The following CDC27 variants were observed in gnomAD, a reference collection of about 807,000 sequenced individuals.
CDC27 encodes cell division cycle 27.
CDC27 carries 27 observed loss-of-function variants against 109.7 expected under a neutral mutation model. The observed-to-expected ratio is 0.25, with a 90% confidence interval of 0.18 to 0.34. The LOEUF (loss-of-function observed/expected upper bound fraction) is 0.34, where lower values mean the gene tolerates loss of function less well. Among genes scored for constraint, CDC27 ranks in the 10% least tolerant of loss-of-function variants. The pLI is 1.00. For synonymous variants in CDC27, 266 were observed against 333.9 expected (o/e 0.80, Z 2.22); for missense variants, 579 against 960.2 (o/e 0.60, Z 5.25).
At chr17:47,132,878 A>T (rs2062395809) in intron 14 of CDC27, among the ~76,000 whole-genome samples, 1 of 140,560 alleles carries the variant, frequency 7.1e-6, no homozygotes, top group Non-Finnish European at 1.5e-5. Flanking sequence ...CAAGTGATCA[A>T]TCCTCCCACC....
At chr17:47,140,431 A>T (rs550684970) in intron 12 of CDC27, among the ~76,000 whole-genome samples, 1 of 152,184 alleles carries the variant, frequency 6.6e-6, no homozygotes, top group Non-Finnish European at 1.5e-5. Flanking sequence ...TCATTCAGGC[A>T]TGGTAACAAG....
intron 7 of CDC27, 69 bp from the exon 8 acceptor site, chr17:47,154,855 A>T: frequency 1.3e-6 from 1 of 740,836 alleles, no homozygotes; most frequent in South Asian, 1.6e-5. Flanking sequence ...GTATACTTAA[A>T]TTAGAAGGTC....
At chr17:47,156,086 AT>A (rs1230358354) in intron 7 of CDC27, among the ~76,000 whole-genome samples, 2 of 152,120 alleles carry the variant, frequency 1.3e-5, no homozygotes, top group Non-Finnish European at 2.9e-5. Context: ...TAAAGACAGT[AT>A]TTTTTAATGT....
Position 47,162,165 on chromosome 17 carries a change from CCTT to C in CDC27, c.378-3865_378-3863del, listed in dbSNP as rs1310920683. The C allele has an allele frequency of 1.1e-4, 16 of 152,326 alleles. No homozygotes were observed. The East Asian group carries it at 1.7e-3, about 17-fold the overall frequency. The allele number at this position is 152,326 out of a possible 1,614,324, so 9.4% of individuals were successfully genotyped here. ...ATCCTACTTAGAGATAGCACTGACTCCTTCTTCTTCTCCTCTGACCTTCACAGC... is the reference window on the plus strand; with the variant it reads ...ATCCTACTTAGAGATAGCACTGACTCCTTCTTCTCCTCTGACCTTCACAGC... On this transcript the variant is annotated intron_variant, in intron 4 of 18. Transcript: ENST00000066544.
chr17:47,160,767 T>C (rs1350361516), intron 4 of CDC27, among the ~76,000 whole-genome samples: 2 of 152,068 alleles, frequency 1.3e-5, no homozygotes, highest in African/African-American at 4.8e-5. Flanking sequence ...ACATCATCTG[T>C]TTATGTGCGG....
chr17:47,133,216 A>G (rs1430622291), intron 14 of CDC27, among the ~76,000 whole-genome samples: 1 of 147,580 alleles, frequency 6.8e-6, no homozygotes, highest in Non-Finnish European at 1.5e-5. Flanking sequence ...TCGGCTCACC[A>G]CAACCTCCAC....
rs753067072 is a variant in CDC27 at position 47,120,943 on chromosome 17, C to A, written c.2467G>T (p.Glu823Ter). The A allele has an allele frequency of 6.2e-7, 1 of 1,611,092 alleles. No homozygotes were observed. The highest frequency in any genetic ancestry group is 1.7e-5 in the Admixed American group (1 of 59,956). ...DTQLHAAESD[E>*]F Reference sequence around the variant, plus strand: ...AGTCTGATTTCCAGAAGTTAAAATTCATCACTTTCAGCTGCATGAAGTTGT... The same window carrying A: ...AGTCTGATTTCCAGAAGTTAAAATTAATCACTTTCAGCTGCATGAAGTTGT... The change falls in exon 19 of 19, where the codon GAA becomes TAA. Residue 823 changes from glutamate (E) to a stop codon, truncating the protein, a stop_gained. Transcript: ENST00000066544. LOFTEE classifies it high-confidence loss of function.
Position 47,119,796 on chromosome 17 carries a change from TC to T in CDC27, c.*1138del, listed in dbSNP as rs2061945443. ...CTATCTCCTTCATAAGAATGTTTTT[TC>T]CCCCAAGCTAAAAATTTCCAACATC... On this transcript the variant is annotated 3_prime_UTR_variant, in exon 19 of 19. Coordinates refer to ENST00000066544, the MANE Select transcript of CDC27 (RefSeq NM_001256.6). The T allele has an allele frequency of 6.6e-6, 1 of 152,156 alleles. No homozygotes were observed. The highest frequency in any genetic ancestry group is 1.5e-5 in the Non-Finnish European group (1 of 68,014). 9.4% of individuals were successfully genotyped at this position (152,156 alleles called of 1,614,324 possible).
At chr17:47,152,058 T>C (rs1202282463) in intron 8 of CDC27, 140 bp from the exon 9 acceptor site, 2 of 555,918 alleles carry the variant, frequency 3.6e-6, no homozygotes, top group African/African-American at 3.9e-5. Context: ...ACTATTTATA[T>C]CATATTGTTA....
intron 1 of CDC27, among the ~76,000 whole-genome samples, chr17:47,183,606 T>C (rs980274650): frequency 3.9e-5 from 6 of 152,174 alleles, no homozygotes; most frequent in African/African-American, 1.4e-4. Context: ...GGCACCATTA[T>C]TATACACTCT....
Position 47,129,382 on chromosome 17 carries a change from AT to A in CDC27, c.2160+10del. The A allele has an allele frequency of 6.2e-7, 1 of 1,601,566 alleles. No individual in the cohort carries two copies. The highest frequency in any genetic ancestry group is 8.5e-7 in the Non-Finnish European group (1 of 1,170,832). ...ATACAACACTGAAGACCCTTAAGAT[AT>A]TTATCTTACCTTATATTTTTCATTT... On this transcript the variant is annotated intron_variant, in intron 16 of 18. Transcript: ENST00000066544.
intron 16 of CDC27, among the ~76,000 whole-genome samples, chr17:47,124,498 G>A (rs1199319345): frequency 1.3e-5 from 2 of 152,100 alleles, no homozygotes; most frequent in Non-Finnish European, 2.9e-5. Context: ...CAGCCAGGCT[G>A]GTCTTGAACT....
chr17:47,125,594 G>A (rs1172847441), intron 16 of CDC27, among the ~76,000 whole-genome samples: 3 of 144,960 alleles, frequency 2.1e-5, no homozygotes, highest in Non-Finnish European at 4.5e-5. Context: ...TTGCTCTGTC[G>A]TCCAGCCTGA....
intron 9 of CDC27, among the ~76,000 whole-genome samples, chr17:47,150,976 G>A (rs975125213): frequency 2.6e-5 from 4 of 151,092 alleles, no homozygotes; most frequent in African/African-American, 9.8e-5. Flanking sequence ...AGGTTGTGGT[G>A]GGCCGAGATC....
intron 2 of CDC27, among the ~76,000 whole-genome samples, chr17:47,180,861 A>G (rs1346949057): frequency 1.3e-5 from 2 of 150,660 alleles, no homozygotes; most frequent in African/African-American, 4.9e-5. Flanking sequence ...ATAAAACTGT[A>G]CATTTAAGTG....
intron 4 of CDC27, among the ~76,000 whole-genome samples, chr17:47,161,543 G>A (rs1342885452): frequency 6.6e-6 from 1 of 152,104 alleles, no homozygotes; most frequent in Non-Finnish European, 1.5e-5. Context: ...TTGAGGTCAG[G>A]AGTTCGAGAC....
rs547938493 is a variant in CDC27, at chr17:47,179,464, A to G, written c.103+2098T>C. Among the ~76,000 whole-genome samples, 3 of 152,342 alleles carry G rather than the reference A, an allele frequency of 2.0e-5. No homozygotes were observed. The South Asian group carries it at 6.2e-4, about 32-fold the overall frequency. On this transcript the variant is annotated intron_variant, in intron 2 of 18. Transcript: ENST00000066544. ...GCTACTCTTGGGAAAGCGGAATCAG[A>G]CAGATTACTAGTTACCGCCTGTGGA...
chr17:47,157,137 A>G lies in CDC27; in HGVS notation c.631-13T>C. On this transcript the variant is annotated splice_polypyrimidine_tract_variant and intron_variant, in intron 6 of 18. Transcript: ENST00000066544. The stretch of plus-strand genomic sequence containing the variant: ...ATCTGTTTAATTCCTGAAACAGAAA[A>G]TTTCTACCAAGTCATTCACAATATA... 6.5e-7 allele frequency: 1 copy of G among 1,548,868 alleles called. No homozygotes were observed.
chr17:47,163,226 C>CAA (rs35234493), intron 4 of CDC27, among the ~76,000 whole-genome samples: 2 of 151,386 alleles, frequency 1.3e-5, no homozygotes, highest in Admixed American at 6.6e-5. Context: ...GACAAAAAGA[C>CAA]AAAAAAAAGT....
Sources: gnomAD v4.1 joint callset for allele counts (sites outside exome capture counted in the v4.1 genomes callset) on GRCh38, gnomAD v4.1.1 for gene constraint, MANE v1.5 for transcripts, NCBI Gene and HGNC (gene_info 2026-07-23, HGNC 2026-07-21) for gene names.